PLEKHH2: variants seen among roughly 807,000 people sequenced by gnomAD.
PLEKHH2 encodes pleckstrin homology domain-containing family H member 2.
In PLEKHH2, 129 loss-of-function variants were observed where a neutral mutation model predicts 187.9. The observed-to-expected ratio is 0.69, with a 90% confidence interval of 0.59 to 0.79. The LOEUF (loss-of-function observed/expected upper bound fraction) is 0.79. Among genes scored for constraint, PLEKHH2 ranks in the 30% least tolerant of loss-of-function variants. The pLI, the probability that PLEKHH2 is intolerant of heterozygous loss-of-function variation, is 0.00. For missense variants in PLEKHH2, 2,076 were observed against 1,751.2 expected (o/e 1.19, Z -3.31); for synonymous variants, 686 against 605.6 (o/e 1.13, Z -1.95).
chr2:43,710,512 G>T lies in PLEKHH2; in HGVS notation c.2238G>T (p.Gln746His). 1 of 1,598,560 alleles carries T rather than the reference G, an allele frequency of 6.3e-7. No individual in the cohort carries two copies. The highest frequency in any genetic ancestry group is 8.5e-7 in the Non-Finnish European group (1 of 1,176,508). The part of the protein sequence containing the change: ...KSPSDVIRKP[Q>H]GHIELSASCS... ...AGAGTGATGTAATTAGAAAACCCCA[G>T]GGCCATATTGAACTTAGTGCATCCT... Residue 746 changes from glutamine (Q) to histidine (H), a missense_variant, in exon 14 of 30, where the codon CAG becomes CAT. By Grantham distance (24) the Gln-to-His change is conservative. Transcript: ENST00000282406.
At chr2:43,644,981 G>A (rs1666117575) in intron 2 of PLEKHH2, among the ~76,000 whole-genome samples, 185 bp downstream of exon 2, 1 of 152,068 alleles carries the variant, frequency 6.6e-6, no homozygotes, top group Non-Finnish European at 1.5e-5. Context: ...ATATTTATTT[G>A]CAAATGCTAG....
intron 26 of PLEKHH2, among the ~76,000 whole-genome samples, chr2:43,758,454 C>T (rs188966924): frequency 2.0e-5 from 3 of 152,220 alleles, no homozygotes; most frequent in African/African-American, 7.2e-5. Context: ...GGTTTCACCA[C>T]GTTGGCCAGG....
intron 1 of PLEKHH2, among the ~76,000 whole-genome samples, chr2:43,642,605 C>T (rs1451740109): frequency 6.6e-6 from 1 of 152,088 alleles, no homozygotes; most frequent in Non-Finnish European, 1.5e-5. Context: ...CTTTAGTAAA[C>T]GTCCTCTATC....
intron 23 of PLEKHH2, chr2:43,744,257 G>A: frequency 3.3e-6 from 2 of 599,054 alleles, no homozygotes; most frequent in South Asian, 6.7e-5. Context: ...GATAATAAGG[G>A]TAGATATGTA....
intron 3 of PLEKHH2, among the ~76,000 whole-genome samples, chr2:43,682,603 C>G (rs761771037): frequency 6.6e-6 from 1 of 152,260 alleles, no homozygotes; most frequent in African/African-American, 2.4e-5. Context: ...CCGTGCCCAG[C>G]CAAAATTAAC....
At chr2:43,733,220 G>T (rs182598829) in intron 19 of PLEKHH2, among the ~76,000 whole-genome samples, 1 of 151,926 alleles carries the variant, frequency 6.6e-6, no homozygotes, top group African/African-American at 2.4e-5. Context: ...AAAATTAGCC[G>T]AGTGTGATGG....
chr2:43,683,591 GC>G, intron 3 of PLEKHH2, among the ~76,000 whole-genome samples: 1 of 151,928 alleles, frequency 6.6e-6, no homozygotes. Context: ...GTTCTCTAAA[GC>G]TTTCCACATT....
chr2:43,744,079 T>C (rs907642145), intron 23 of PLEKHH2, 90 bp downstream of exon 23: 1 of 1,496,462 alleles, frequency 6.7e-7, no homozygotes, highest in Non-Finnish European at 8.9e-7. Context: ...AGAAGTTTAA[T>C]TCAGGAGTTT....
At chr2:43,705,303 G>A (rs1022684774) in intron 9 of PLEKHH2, among the ~76,000 whole-genome samples, 1 of 126,332 alleles carries the variant, frequency 7.9e-6, no homozygotes, top group Admixed American at 9.8e-5. Context: ...TCACCCAGGT[G>A]GGAGTGGAGT....
At chr2:43,675,787 A>G in intron 2 of PLEKHH2, 3 of 1,613,722 alleles carry the variant, frequency 1.9e-6, no homozygotes, top group Non-Finnish European at 1.7e-6. Flanking sequence ...TTCCACAGTC[A>G]CGTATTCGAG....
intron 1 of PLEKHH2, among the ~76,000 whole-genome samples, chr2:43,642,465 G>T (rs111877556): frequency 3.3e-5 from 5 of 151,998 alleles, no homozygotes; most frequent in African/African-American, 1.2e-4. Context: ...TTATTTTATT[G>T]TCTTGCCCTG....
chr2:43,711,891 C>T, intron 14 of PLEKHH2: 2 of 773,800 alleles, frequency 2.6e-6, no homozygotes, highest in African/African-American at 3.3e-5. Flanking sequence ...GAGACTCTGT[C>T]TCAAAAAAAA....
At chr2:43,719,717 C>T (rs74767791) in intron 15 of PLEKHH2, among the ~76,000 whole-genome samples, 94 of 152,290 alleles carry the variant, frequency 6.2e-4, no homozygotes, top group African/African-American at 2.2e-3. Context: ...GGATTACAGG[C>T]GTGAGCCACC....
rs75870396 is a variant in PLEKHH2 at position 43,684,850 on chromosome 2, A to G, written c.186+5925A>G. Among the ~76,000 whole-genome samples the G allele has an allele frequency of 7.1e-3, 1,074 of 152,114 alleles. 14 individuals are homozygous for G. The highest frequency in any genetic ancestry group is 0.025 in the African/African-American group (1,027 of 41,470). Reference sequence around the variant, plus strand: ...AAAAAAAAAAAAGAGAGAGAATTACAAATCTCTCAGAGTTTCCATGTGTTA... The same window carrying G: ...AAAAAAAAAAAAGAGAGAGAATTACGAATCTCTCAGAGTTTCCATGTGTTA... On this transcript the variant is annotated intron_variant, in intron 3 of 29. Transcript: ENST00000282406.
rs372877316 is a variant in PLEKHH2, at chr2:43,699,980, T to C, written c.1022T>C (p.Phe341Ser). Residue 341 changes from phenylalanine (F) to serine (S), a missense_variant, in exon 8 of 30, where the codon TTT becomes TCT. Transcript: ENST00000282406. ...DSSSIFEEET[F>S]GIKRPEHKKL... is the part of the protein sequence containing the mutation. ...AGCTCTATATTTGAGGAAGAGACTT[T>C]TGGCATAAAGAGACCAGAACACAAG... is the stretch of plus-strand genomic sequence containing the variant. 1.9e-6 allele frequency: 3 copies of C among 1,614,062 alleles called. No homozygotes were observed. Among genetic ancestry groups the C allele is most frequent in the Non-Finnish European group, 1.7e-6 (2 of 1,180,036 alleles).
At chr2:43,659,762 T>C (rs888723854) in intron 2 of PLEKHH2, among the ~76,000 whole-genome samples, 1 of 152,120 alleles carries the variant, frequency 6.6e-6, no homozygotes, top group Admixed American at 6.5e-5. Context: ...TTTGACCCTG[T>C]TGGCCAGGCT....
At chr2:43,730,176 C>G (rs1400498499) in intron 18 of PLEKHH2, among the ~76,000 whole-genome samples, 2 of 152,166 alleles carry the variant, frequency 1.3e-5, no homozygotes, top group Non-Finnish European at 2.9e-5. Context: ...AACCTGCAAC[C>G]CACAGGTGGC....
intron 14 of PLEKHH2, chr2:43,711,551 T>C (rs1159505451): frequency 1.0e-6 from 1 of 968,586 alleles, no homozygotes; most frequent in East Asian, 1.1e-4. Context: ...TTGCTAAAAC[T>C]ATGCTATTTT....
intron 2 of PLEKHH2, chr2:43,676,280 G>C: frequency 6.2e-7 from 1 of 1,613,108 alleles, no homozygotes; most frequent in Non-Finnish European, 8.5e-7. Flanking sequence ...ATGCTCCCAA[G>C]CAACATACCC....
Sources: gnomAD v4.1 joint callset for allele counts (sites outside exome capture counted in the v4.1 genomes callset) on GRCh38, gnomAD v4.1.1 for gene constraint, MANE v1.5 for transcripts, NCBI Gene and HGNC (gene_info 2026-07-23, HGNC 2026-07-21) for gene names.